ZNF624: variants seen among roughly 807,000 people sequenced by gnomAD.
ZNF624 encodes the protein zinc finger protein 624.
In ZNF624, 43 loss-of-function variants were observed where a neutral mutation model predicts 74.7. The observed-to-expected ratio is 0.58, with a 90% confidence interval of 0.45 to 0.74. The LOEUF (loss-of-function observed/expected upper bound fraction) is 0.74, where lower values mean the gene tolerates loss of function less well. Among genes scored for constraint, ZNF624 ranks in the 30% least tolerant of loss-of-function variants. The pLI, the probability that ZNF624 is intolerant of heterozygous loss-of-function variation, is 0.00. For missense variants in ZNF624, 820 were observed against 1,030.0 expected, an observed-to-expected ratio of 0.80 and a Z score of 2.79; for synonymous variants, 331 against 341.3, an observed-to-expected ratio of 0.97 and a Z score of 0.33.
intron 3 of ZNF624, among the ~76,000 whole-genome samples, chr17:16,638,295 A>G (rs188910226): frequency 6.6e-6 from 1 of 152,330 alleles, no homozygotes; most frequent in Admixed American, 6.5e-5. Flanking sequence ...CCATTGTGGA[A>G]GTCAGTGTGG....
At position 16,622,952 on chromosome 17, in the gene ZNF624, C is replaced by T; in HGVS notation, c.1934G>A (p.Cys645Tyr). Residue 645 changes from cysteine to tyrosine, a missense_variant, in exon 6 of 6, where the codon TGT (cysteine) becomes TAT (tyrosine). Coordinates refer to ENST00000311331, the MANE Select transcript of ZNF624 (RefSeq NM_020787.4). ...TGATTTAGTCCTAAAGGACTTTCCA[C>T]AGTCATAACATTTATAGGGTTTCAC... ...TGVKPYKCYD[C>Y]GKSFRTKSYL... The T allele has an allele frequency of 1.9e-6, 3 of 1,614,022 alleles. No individual in the cohort carries two copies. Among genetic ancestry groups the T allele is most frequent in the African/African-American group, 1.3e-5 (1 of 75,036 alleles).
Position 16,634,615 on chromosome 17 carries a change from A to G in ZNF624, c.280+15T>C. On this transcript the variant is annotated intron_variant, in intron 4 of 5. Transcript: ENST00000311331. ...ATGGGCAGATCAATCAACACAGAAG[A>G]GAAGTTATCCTTACCCAGGGAGACC... The G allele has an allele frequency of 1.2e-6, 2 of 1,610,104 alleles. No homozygotes were observed. Among genetic ancestry groups the G allele is most frequent in the Non-Finnish European group, 1.7e-6 (2 of 1,178,180 alleles).
intron 4 of ZNF624, 54 bp from the exon 5 acceptor site, chr17:16,634,011 G>T: frequency 7.1e-7 from 1 of 1,404,568 alleles, no homozygotes; most frequent in Non-Finnish European, 1.0e-6. Context: ...AAGAACTCCT[G>T]CCAAATTCAG....
intron 3 of ZNF624, among the ~76,000 whole-genome samples, chr17:16,644,961 A>G (rs923650814): frequency 1.3e-5 from 2 of 152,188 alleles, no homozygotes; most frequent in Non-Finnish European, 2.9e-5. Flanking sequence ...AGACTTTCAC[A>G]TGAGGGGTTT....
At chr17:16,616,346 A>T (rs1265283893), downstream of ZNF624, among the ~76,000 whole-genome samples, 1 of 152,128 alleles carries the variant, frequency 6.6e-6, no homozygotes, top group Non-Finnish European at 1.5e-5. Context: ...TTTAATAGTG[A>T]CCTATTCAAT....
chr17:16,645,299 A>G (rs970526784), intron 3 of ZNF624, among the ~76,000 whole-genome samples: 9 of 152,110 alleles, frequency 5.9e-5, no homozygotes, highest in African/African-American at 2.2e-4. Flanking sequence ...TTAGCCGGAC[A>G]TGGTGGTGGG....
downstream of ZNF624, among the ~76,000 whole-genome samples, chr17:16,619,828 A>T (rs1016048957): frequency 2.6e-5 from 4 of 152,156 alleles, no homozygotes; most frequent in Non-Finnish European, 5.9e-5. Context: ...GAGGGTTTAG[A>T]TGTAGTGAGG....
At chr17:16,652,626 T>C (rs1026717107) in intron 1 of ZNF624, among the ~76,000 whole-genome samples, 2 of 152,236 alleles carry the variant, frequency 1.3e-5, no homozygotes, top group African/African-American at 4.8e-5. Flanking sequence ...TTGATCTCAA[T>C]TGTGCAAATG....
intron 3 of ZNF624, among the ~76,000 whole-genome samples, chr17:16,636,435 T>A (rs544444620): frequency 6.6e-6 from 1 of 152,296 alleles, no homozygotes; most frequent in Admixed American, 6.5e-5. Flanking sequence ...AATTAAAGAA[T>A]CATCAGCAGC....
chr17:16,638,039 A>G (rs897980118), intron 3 of ZNF624, among the ~76,000 whole-genome samples: 1 of 152,186 alleles, frequency 6.6e-6, no homozygotes, highest in Non-Finnish European at 1.5e-5. Context: ...CAACCCCATC[A>G]AAAGGTGGGC....
intron 5 of ZNF624, among the ~76,000 whole-genome samples, chr17:16,625,023 C>T (rs1909035463): frequency 2.2e-5 from 3 of 138,898 alleles, no homozygotes; most frequent in Admixed American, 2.1e-4. Context: ...GGTGACAGAG[C>T]ACGACTGTCT....
At chr17:16,633,613 A>G (rs1909254850) in intron 5 of ZNF624, among the ~76,000 whole-genome samples, 1 of 152,210 alleles carries the variant, frequency 6.6e-6, no homozygotes, top group Admixed American at 6.5e-5. Flanking sequence ...AAGAAATAAA[A>G]TAATAATTAC....
the ZNF624 span, among the ~76,000 whole-genome samples, chr17:16,614,804 C>A: frequency 2.0e-5 from 3 of 152,072 alleles, no homozygotes; most frequent in African/African-American, 7.2e-5. Context: ...AAAATTTTGA[C>A]AAATTTAATT....
intron 2 of ZNF624, among the ~76,000 whole-genome samples, chr17:16,648,696 A>G (rs1282544645): frequency 1.3e-5 from 2 of 152,220 alleles, no homozygotes; most frequent in Admixed American, 6.5e-5. Context: ...AATCTATTTT[A>G]AAGTCACTGC....
intron 1 of ZNF624, among the ~76,000 whole-genome samples, chr17:16,650,508 C>T (rs536609325): frequency 5.3e-5 from 8 of 151,796 alleles, no homozygotes; most frequent in Admixed American, 2.0e-4. Context: ...AAAGTATATA[C>T]CTAATAAAAG....
chr17:16,622,471 C>G lies in ZNF624; in HGVS notation c.2415G>C (p.Glu805Asp), dbSNP rs1267152732. Reference protein sequence around the residue: ...LTLHQRIHTGERPYKCEECGK... With the variant: ...LTLHQRIHTGDRPYKCEECGK... The stretch of plus-strand genomic sequence containing the variant: ...CACATTCTTCACATTTATAGGGCCT[C>G]TCCCCAGTATGAATTCTCTGATGTA... The change falls in exon 6 of 6, where the codon GAG becomes GAC. Residue 805 changes from glutamate to aspartate, a missense_variant. Transcript: ENST00000311331. 2 of 1,614,018 alleles carry G rather than the reference C, an allele frequency of 1.2e-6. No individual in the cohort carries two copies. The highest frequency in any genetic ancestry group is 4.5e-5 in the East Asian group (2 of 44,870).
At chr17:16,643,021 T>C (rs1276097506) in intron 3 of ZNF624, among the ~76,000 whole-genome samples, 1 of 152,152 alleles carries the variant, frequency 6.6e-6, no homozygotes, top group African/African-American at 2.4e-5. Flanking sequence ...AGCCAGACAA[T>C]ATCAAGCGTT....
the ZNF624 span, among the ~76,000 whole-genome samples, chr17:16,615,602 G>A: frequency 6.6e-6 from 1 of 152,110 alleles, no homozygotes; most frequent in Non-Finnish European, 1.5e-5. Context: ...GGCAAAAAAT[G>A]TCTGATGAAA....
rs750007544 is a variant in ZNF624 at position 16,633,906 on chromosome 17, C to T, written c.332G>A (p.Gly111Glu). ...AATTTCTCTCACCGTCACCCATGGT[C>T]CTTTCCCATTCTCCAAATGAGATAT... ...DMISHLENGK[G>E]PWVTVREISR... Residue 111 changes from glycine (G) to glutamate (E), a missense_variant, in exon 5 of 6, where the codon GGA (glycine) becomes GAA (glutamate). By Grantham distance (98) the Gly-to-Glu change is moderately conservative. Coordinates refer to ENST00000311331, the MANE Select transcript of ZNF624 (RefSeq NM_020787.4). 2 of 1,613,728 alleles carry T rather than the reference C, an allele frequency of 1.2e-6. No homozygotes were observed. The highest frequency in any genetic ancestry group is 1.7e-6 in the Non-Finnish European group (2 of 1,179,738).
Sources: allele counts gnomAD v4.1 joint callset (sites outside exome capture counted in the v4.1 genomes callset), GRCh38; gene constraint gnomAD v4.1.1; transcripts MANE v1.5; gene names NCBI Gene and HGNC (gene_info 2026-07-23, HGNC 2026-07-21).